LRP1B: variants seen among roughly 807,000 people sequenced by gnomAD.
LRP1B encodes the protein low-density lipoprotein receptor-related protein 1B.
A neutral mutation model predicts 556.6 loss-of-function variants in LRP1B; 217 were observed. The observed-to-expected ratio is 0.39, with a 90% confidence interval of 0.35 to 0.44. LRP1B has a LOEUF of 0.44. Ranked by LOEUF, LRP1B falls within the 20% of genes least tolerant of loss-of-function variation. The pLI is 1.00. For synonymous variants in LRP1B, 2,047 were observed against 1,865.8 expected (o/e 1.10, Z -2.50); for missense variants, 5,053 against 5,620.8 (o/e 0.90, Z 3.23).
At chr2:140,245,877 G>A (rs1475279108) in intron 87 of LRP1B, among the ~76,000 whole-genome samples, 1 of 151,162 alleles carries the variant, frequency 6.6e-6, no homozygotes, top group Non-Finnish European at 1.5e-5. Flanking sequence ...CTGACCTAAG[G>A]AGAGCACACA....
chr2:140,693,967 C>T (rs760707662), intron 41 of LRP1B, among the ~76,000 whole-genome samples: 17 of 152,188 alleles, frequency 1.1e-4, no homozygotes, highest in Non-Finnish European at 2.1e-4. Context: ...CTCAGCTCCC[C>T]AGAGTGCCGG....
intron 1 of LRP1B, among the ~76,000 whole-genome samples, chr2:141,854,897 A>C (rs539025930): frequency 6.6e-6 from 1 of 152,220 alleles, no homozygotes; most frequent in South Asian, 2.1e-4. Flanking sequence ...AAGTCCTAAA[A>C]AAAATAGGCC....
intron 11 of LRP1B, among the ~76,000 whole-genome samples, chr2:141,021,183 A>G (rs1162102618): frequency 1.3e-5 from 2 of 152,070 alleles, no homozygotes; most frequent in Non-Finnish European, 2.9e-5. Context: ...ACACACTACA[A>G]GGAAATCTAG....
At chr2:140,733,852 C>A (rs940609269) in intron 35 of LRP1B, among the ~76,000 whole-genome samples, 3 of 152,156 alleles carry the variant, frequency 2.0e-5, no homozygotes, top group Non-Finnish European at 2.9e-5. Flanking sequence ...ACAAAATAAT[C>A]AAAAACATAC....
At chr2:140,860,958 GAAGT>G (rs1470527068) in intron 27 of LRP1B, among the ~76,000 whole-genome samples, 1 of 151,456 alleles carries the variant, frequency 6.6e-6, no homozygotes, top group Non-Finnish European at 1.5e-5. Context: ...TGTGTAAAAC[GAAGT>G]AAGAGAATTG....
intron 46 of LRP1B, 119 bp from the exon 47 acceptor site, chr2:140,534,259 C>T (rs1690849623): frequency 2.1e-6 from 2 of 961,456 alleles, no homozygotes; most frequent in Non-Finnish European, 3.0e-6. Context: ...AAAACAAGTG[C>T]TGTGCCATAT....
chr2:140,774,119 T>C (rs1375034322), intron 33 of LRP1B, among the ~76,000 whole-genome samples: 1 of 152,166 alleles, frequency 6.6e-6, no homozygotes, highest in Non-Finnish European at 1.5e-5. Context: ...GAGTCCTAAA[T>C]TGGTCATATT....
intron 12 of LRP1B, among the ~76,000 whole-genome samples, chr2:141,019,272 C>T (rs17521615): frequency 0.11 from 16,052 of 151,878 alleles, 931 homozygotes; most frequent in East Asian, 0.22. Context: ...ATGGAAATTA[C>T]GGTGGTATCT....
intron 43 of LRP1B, among the ~76,000 whole-genome samples, chr2:140,572,730 T>G (rs1184584908): frequency 1.3e-5 from 2 of 151,210 alleles, no homozygotes; most frequent in Non-Finnish European, 3.0e-5. Flanking sequence ...TCAACCTAAC[T>G]GTTCATCAGC....
At chr2:141,335,813 G>A (rs779070570) in intron 3 of LRP1B, among the ~76,000 whole-genome samples, 3 of 152,054 alleles carry the variant, frequency 2.0e-5, no homozygotes, top group East Asian at 1.9e-4. Flanking sequence ...ATAAACATGC[G>A]TGTGTGTTGT....
chr2:141,039,280 C>T (rs985919297), intron 11 of LRP1B, among the ~76,000 whole-genome samples: 3 of 152,074 alleles, frequency 2.0e-5, no homozygotes, highest in Non-Finnish European at 2.9e-5. Flanking sequence ...ACAGAGACTA[C>T]ATGCACATAA....
intron 3 of LRP1B, among the ~76,000 whole-genome samples, chr2:141,272,968 C>T (rs1470190484): frequency 1.3e-5 from 2 of 152,108 alleles, no homozygotes; most frequent in Non-Finnish European, 2.9e-5. Context: ...AACAACTAGA[C>T]CTAGTTGACA....
chr2:142,011,020 T>C (rs1702944646), intron 1 of LRP1B, among the ~76,000 whole-genome samples: 1 of 152,158 alleles, frequency 6.6e-6, no homozygotes. Flanking sequence ...TATTCCTCCT[T>C]CTAGTGAGGC....
rs577232044 is a variant in LRP1B, at chr2:140,976,726, G to A, written c.2887+5434C>T. 1.9e-3 allele frequency among the ~76,000 whole-genome samples: 288 copies of A among 151,828 alleles called. 1 individual carries two copies. Among genetic ancestry groups the A allele is most frequent in the Non-Finnish European group, 2.0e-3 (137 of 67,940 alleles). ...GGGTTTCACCATGTTTGCCAGGTTG[G>A]TCTCAAACTCCTGACCTCAAGTGGT... On this transcript the variant is annotated intron_variant, in intron 18 of 90. Transcript: ENST00000389484.
At chr2:140,274,233 C>T (rs953009627) in intron 85 of LRP1B, among the ~76,000 whole-genome samples, 191 bp downstream of exon 85, 27 of 151,930 alleles carry the variant, frequency 1.8e-4, no homozygotes, top group African/African-American at 6.3e-4. Context: ...TAGATATTCA[C>T]AATAGATGTT....
chr2:141,843,853 A>G (rs537214441), intron 1 of LRP1B, among the ~76,000 whole-genome samples: 8 of 152,224 alleles, frequency 5.3e-5, no homozygotes, highest in African/African-American at 1.4e-4. Flanking sequence ...GTATGAGTGG[A>G]GAGACCACAG....
At chr2:140,267,501 C>T (rs538566091) in intron 86 of LRP1B, among the ~76,000 whole-genome samples, 1 of 151,952 alleles carries the variant, frequency 6.6e-6, no homozygotes, top group South Asian at 2.1e-4. Flanking sequence ...AATGTAAATG[C>T]TATGTAAATA....
intron 3 of LRP1B, among the ~76,000 whole-genome samples, chr2:141,290,972 T>G (rs1685921986): frequency 6.6e-6 from 1 of 152,128 alleles, no homozygotes; most frequent in Admixed American, 6.5e-5. Flanking sequence ...TATGTTATTT[T>G]TAGCCTATAG....
chr2:140,957,786 G>A (rs1695918149), intron 18 of LRP1B, among the ~76,000 whole-genome samples: 1 of 151,442 alleles, frequency 6.6e-6, no homozygotes, highest in South Asian at 2.1e-4. Flanking sequence ...TGGGACAGGA[G>A]AGAATTCTCT....
Sources: allele counts gnomAD v4.1 joint callset (sites outside exome capture counted in the v4.1 genomes callset), GRCh38; gene constraint gnomAD v4.1.1; transcripts MANE v1.5; gene names NCBI Gene and HGNC (gene_info 2026-07-23, HGNC 2026-07-21).